Variants in PLB1 observed in about 807,000 individuals in gnomAD.
The protein encoded by PLB1 is phospholipase B1.
A neutral mutation model predicts 227.4 loss-of-function variants in PLB1; 242 were observed. The observed-to-expected ratio is 1.06, with a 90% CI of 0.96 to 1.18. The LOEUF is 1.18. Ranked by LOEUF, PLB1 falls within the 50% of genes most tolerant of loss-of-function variation. The probability of loss-of-function intolerance (pLI) is 0.00; values close to 1 mark genes in which losing one functional copy is unlikely to be tolerated. For missense variants in PLB1, 1,858 were observed against 1,816.3 expected, an observed-to-expected ratio of 1.02 and a Z score of -0.42; for synonymous variants, 757 against 682.2, an observed-to-expected ratio of 1.11 and a Z score of -1.71.
rs771902980 is a variant in PLB1, at chr2:28,605,856, G to A, written c.2965G>A (p.Gly989Arg). 1.9e-6 allele frequency: 3 copies of A among 1,611,968 alleles called. No homozygotes were observed. The East Asian group carries it at 6.7e-5, about 36-fold the overall frequency. ...QNIQLPVLAD[G>R]LPDTSFFAPD... ...GGGGTATATTGGTCTCTTTCAGGAT[G>A]GGCTCCCAGATACGTCCTTCTTTGC... is the stretch of plus-strand genomic sequence containing the variant. The change falls in exon 42 of 58, where the codon GGG becomes AGG. Residue 989 changes from glycine to arginine, a missense_variant. Coordinates refer to ENST00000327757, the MANE Select transcript of PLB1 (RefSeq NM_153021.5).
At chr2:28,525,452 C>A in intron 5 of PLB1, 145 bp downstream of exon 5, 1 of 896,296 alleles carries the variant, frequency 1.1e-6, no homozygotes, top group Non-Finnish European at 1.7e-6. Flanking sequence ...AGCAGAGAAG[C>A]TCCCAGAACC....
chr2:28,571,499 T>A (rs1042667177), intron 20 of PLB1, among the ~76,000 whole-genome samples: 12 of 152,110 alleles, frequency 7.9e-5, no homozygotes, highest in Non-Finnish European at 1.2e-4. Flanking sequence ...TCCCAAGAAA[T>A]CTAGAAAAGA....
intron 9 of PLB1, among the ~76,000 whole-genome samples, chr2:28,533,992 T>A (rs1037892297): frequency 4.6e-5 from 7 of 152,340 alleles, no homozygotes; most frequent in Middle Eastern, 3.4e-3. Flanking sequence ...TAATCCTCTG[T>A]CTCTTTTTCT....
intron 11 of PLB1, among the ~76,000 whole-genome samples, chr2:28,540,071 C>T (rs1672264583): frequency 7.2e-6 from 1 of 139,180 alleles, no homozygotes; most frequent in African/African-American, 2.7e-5. Flanking sequence ...AACCCATACC[C>T]ACCCCCTAGG....
chr2:28,630,516 A>G (rs1688458815), intron 53 of PLB1, 70 bp from the exon 54 acceptor site: 9 of 1,408,392 alleles, frequency 6.4e-6, no homozygotes, highest in Non-Finnish European at 8.9e-6. Context: ...TGTGTGTCAG[A>G]GCCAGCCTCC....
chr2:28,567,495 T>G (rs996115900), intron 20 of PLB1, among the ~76,000 whole-genome samples: 1 of 122,318 alleles, frequency 8.2e-6, no homozygotes, highest in African/African-American at 3.3e-5. Flanking sequence ...TTTTTTGAGA[T>G]GGAGTCTCAC....
intron 1 of PLB1, among the ~76,000 whole-genome samples, chr2:28,512,531 T>C (rs1185203126): frequency 2.0e-5 from 3 of 152,232 alleles, no homozygotes; most frequent in African/African-American, 7.2e-5. Flanking sequence ...ACTAGACATG[T>C]TTGATCAAAC....
chr2:28,574,560 T>A (rs1429729606), intron 21 of PLB1, among the ~76,000 whole-genome samples: 5 of 9,836 alleles, frequency 5.1e-4, no homozygotes, highest in Non-Finnish European at 1.7e-3. Context: ...TTTTTTTTTT[T>A]TTTTTTTTTT....
intron 31 of PLB1, among the ~76,000 whole-genome samples, chr2:28,592,410 T>C (rs1349595684): frequency 6.6e-6 from 1 of 151,128 alleles, no homozygotes; most frequent in Non-Finnish European, 1.5e-5. Flanking sequence ...CTTCTCCCTT[T>C]CCCCACTTTT....
At position 28,614,070 on chromosome 2, in the gene PLB1, A is replaced by ATG; in HGVS notation, c.3169_3170insTG (p.Thr1057MetfsTer49). The ATG allele has an allele frequency of 1.2e-6, 2 of 1,613,230 alleles. No homozygotes were observed. The highest frequency in any genetic ancestry group is 1.7e-6 in the Non-Finnish European group (2 of 1,179,376). On this transcript the variant is annotated frameshift_variant, in exon 44 of 58. Coordinates refer to ENST00000327757, the MANE Select transcript of PLB1 (RefSeq NM_153021.5). LOFTEE classifies it high-confidence loss of function. ...GAGAACCCCTCGGAATAGTAACTAC[A>ATG]CGTACCCCATCAAGCCAGCCATTGA...
intron 49 of PLB1, among the ~76,000 whole-genome samples, chr2:28,624,312 A>C (rs1687433480): frequency 6.6e-6 from 1 of 152,206 alleles, no homozygotes; most frequent in Non-Finnish European, 1.5e-5. Context: ...AATGGGATCA[A>C]AGAGTATATA....
intron 25 of PLB1, among the ~76,000 whole-genome samples, chr2:28,583,587 G>A (rs770828552): frequency 1.3e-5 from 2 of 152,128 alleles, no homozygotes; most frequent in Non-Finnish European, 2.9e-5. Context: ...TGCACAGCAC[G>A]CAGTTTATTC....
intron 21 of PLB1, among the ~76,000 whole-genome samples, chr2:28,574,377 T>A (rs1678553275): frequency 1.8e-5 from 1 of 55,704 alleles, no homozygotes; most frequent in African/African-American, 5.9e-5. Context: ...AAGTCCATTA[T>A]ATCATTCTTT....
At position 28,601,275 on chromosome 2, in the gene PLB1, G is replaced by T. The variant is rs1334499251; in HGVS notation, c.2550G>T (p.Trp850Cys). 6.2e-7 allele frequency: 1 copy of T among 1,613,900 alleles called. No individual in the cohort carries two copies. The highest frequency in any genetic ancestry group is 2.2e-5 in the East Asian group (1 of 44,886). Residue 850 changes from tryptophan (W) to cysteine (C), a missense_variant, in exon 37 of 58, where the codon TGG (tryptophan) becomes TGT (cysteine). Physicochemically the swap from Trp to Cys is radical, Grantham distance 215. Transcript: ENST00000327757. ...DDHRVNFHED[W>C]KVITVLIGGS... ...AGAGAGTAAATTTCCATGAAGACTGGAAGGTCATCACAGTGCTGATCGGAG... is the reference window on the plus strand; with the variant it reads ...AGAGAGTAAATTTCCATGAAGACTGTAAGGTCATCACAGTGCTGATCGGAG...
intron 25 of PLB1, among the ~76,000 whole-genome samples, chr2:28,584,969 T>C (rs1680663653): frequency 6.6e-6 from 1 of 152,198 alleles, no homozygotes; most frequent in African/African-American, 2.4e-5. Context: ...TCCTCATCTC[T>C]AAAACAGGGA....
intron 23 of PLB1, among the ~76,000 whole-genome samples, chr2:28,581,627 A>G (rs1410759663): frequency 6.6e-6 from 1 of 152,152 alleles, no homozygotes; most frequent in Non-Finnish European, 1.5e-5. Flanking sequence ...TGGGGCCCCA[A>G]AGACAAACAC....
chr2:28,566,899 TC>T, intron 20 of PLB1, 60 bp downstream of exon 20: 1 of 1,585,496 alleles, frequency 6.3e-7, no homozygotes, highest in Non-Finnish European at 8.6e-7. Flanking sequence ...CGCTTCCCGC[TC>T]CCCCTGCAGG....
rs751170407 is a variant in PLB1, at chr2:28,525,936, G to A, written c.316G>A (p.Val106Met). 8.1e-6 allele frequency: 13 copies of A among 1,614,094 alleles called. No individual in the cohort carries two copies. The highest frequency in any genetic ancestry group is 1.1e-5 in the Non-Finnish European group (13 of 1,179,982). ...AAGGCCACAGCAGGTGTGCATGGGA[G>A]TGATGACAGGTGAGTTGTGGTTTTC... ...TERPQQVCMG[V>M]MTVLSDIIRY... Residue 106 changes from valine (V) to methionine (M), a missense_variant, in exon 6 of 58, where the codon GTG becomes ATG. Coordinates refer to ENST00000327757, the MANE Select transcript of PLB1 (RefSeq NM_153021.5).
In PLB1 at chr2:28,605,677, T is replaced by G. The variant is rs535068625; in HGVS notation, c.2962-176T>G. Among the ~76,000 whole-genome samples the G allele has an allele frequency of 1.8e-4, 28 of 152,218 alleles. No individual in the cohort carries two copies. The South Asian group carries it at 5.2e-3, about 28-fold the overall frequency. On this transcript the variant is annotated intron_variant, in intron 41 of 57. Transcript: ENST00000327757. The stretch of plus-strand genomic sequence containing the variant: ...GGGGGTTGGCGTCACCCAAAACTAT[T>G]CTTTGTGGGATCGCTCTGATCTCTC...
Sources: allele counts gnomAD v4.1 joint callset (sites outside exome capture counted in the v4.1 genomes callset), GRCh38; gene constraint gnomAD v4.1.1; transcripts MANE v1.5; gene names NCBI Gene and HGNC (gene_info 2026-07-23, HGNC 2026-07-21).